ZNF624: variants seen among roughly 807,000 people sequenced by gnomAD.
ZNF624 encodes zinc finger protein 624.
ZNF624 carries 43 observed loss-of-function variants against 74.7 expected under a neutral mutation model. That is an observed-to-expected ratio of 0.58 (90% CI 0.45 to 0.74). The LOEUF is 0.74. Ranked by LOEUF, ZNF624 falls within the 30% of genes least tolerant of loss-of-function variation. The pLI is 0.00. For missense variants in ZNF624, 820 were observed against 1,030.0 expected (o/e 0.80, Z 2.79); for synonymous variants, 331 against 341.3 (o/e 0.97, Z 0.33).
chr17:16,636,463 G>A (rs1909332764), intron 3 of ZNF624, among the ~76,000 whole-genome samples: 1 of 152,116 alleles, frequency 6.6e-6, no homozygotes, highest in African/African-American at 2.4e-5. Flanking sequence ...ATAAAAGAAA[G>A]GCCTCAGTTA....
At chr17:16,628,089 A>T (rs1909114136) in intron 5 of ZNF624, among the ~76,000 whole-genome samples, 1 of 152,042 alleles carries the variant, frequency 6.6e-6, no homozygotes. Context: ...GCAAAACCCC[A>T]TCTCTACTAA....
At chr17:16,626,801 A>G (rs1255735047) in intron 5 of ZNF624, among the ~76,000 whole-genome samples, 4 of 152,162 alleles carry the variant, frequency 2.6e-5, no homozygotes, top group African/African-American at 9.7e-5. Flanking sequence ...TCACGCCTGT[A>G]ATCCTAGCAG....
intron 3 of ZNF624, among the ~76,000 whole-genome samples, chr17:16,641,856 C>T (rs1773021243): frequency 6.6e-6 from 1 of 152,124 alleles, no homozygotes; most frequent in South Asian, 2.1e-4. Flanking sequence ...TATCTGTATA[C>T]ACTATCAATA....
chr17:16,634,883 T>C (rs2142608725), intron 3 of ZNF624, 127 bp from the exon 4 acceptor site: 1 of 792,266 alleles, frequency 1.3e-6, no homozygotes, highest in East Asian at 2.6e-5. Flanking sequence ...GGTCAACCAG[T>C]TCATCCTTTA....
chr17:16,650,411 T>TATA (rs58272736), intron 1 of ZNF624, among the ~76,000 whole-genome samples: 9,873 of 148,046 alleles, frequency 0.067, 422 homozygotes, highest in Admixed American at 0.11. Context: ...AGGAAGCAGG[T>TATA]ATAATAATAA....
intron 2 of ZNF624, 105 bp from the exon 3 acceptor site, chr17:16,647,499 T>A (rs1909621537): frequency 1.2e-6 from 1 of 865,910 alleles, no homozygotes; most frequent in Non-Finnish European, 2.0e-6. Flanking sequence ...GTATACAGGA[T>A]GACCTCACCT....
At chr17:16,642,812 A>G (rs913240466) in intron 3 of ZNF624, among the ~76,000 whole-genome samples, 2 of 152,260 alleles carry the variant, frequency 1.3e-5, no homozygotes, top group African/African-American at 4.8e-5. Context: ...AACCCTTACA[A>G]GTCAAACATA....
chr17:16,619,480 C>T (rs1373607640), downstream of ZNF624, among the ~76,000 whole-genome samples: 1 of 152,064 alleles, frequency 6.6e-6, no homozygotes, highest in Non-Finnish European at 1.5e-5. Context: ...ATAAAGAATC[C>T]TACAAATGAG....
chr17:16,624,929 T>C lies in ZNF624; in HGVS notation c.377-420A>G, dbSNP rs186297702. ...GTGTGCACCTGTAGTCCCAGTTATT[T>C]GTGAGGCTGAGGTGGGAGGACTGCT... is the stretch of plus-strand genomic sequence containing the variant. On this transcript the variant is annotated intron_variant, in intron 5 of 5. Transcript: ENST00000311331. The C allele has an allele frequency of 8.9e-4, 146 of 164,460 alleles. 3 individuals are homozygous for C. Among genetic ancestry groups the C allele is most frequent in the Admixed American group, 8.7e-3 (136 of 15,564 alleles). The allele number at this position is 164,460 out of a possible 1,614,324, so 10.2% of individuals were successfully genotyped here. A position where few individuals can be genotyped will look rare whatever the true frequency, so the allele number is the denominator to read the frequency against.
chr17:16,617,418 G>A (rs1908812454), downstream of ZNF624: 2 of 1,612,956 alleles, frequency 1.2e-6, no homozygotes, highest in South Asian at 1.1e-5. Flanking sequence ...TGTCAGAGTA[G>A]GAGCGAAACT....
chr17:16,644,979 T>C (rs530945696), intron 3 of ZNF624, among the ~76,000 whole-genome samples: 1 of 152,352 alleles, frequency 6.6e-6, no homozygotes, highest in East Asian at 1.9e-4. Flanking sequence ...TTTCTGAATA[T>C]GTCATTTTAC....
downstream of ZNF624, among the ~76,000 whole-genome samples, chr17:16,618,707 C>T (rs1036171478): frequency 6.6e-6 from 1 of 152,160 alleles, no homozygotes; most frequent in Non-Finnish European, 1.5e-5. Flanking sequence ...GCCTGCTCAA[C>T]GTGAAGACGA....
At chr17:16,620,068 A>G (rs1908870626), downstream of ZNF624, among the ~76,000 whole-genome samples, 2 of 152,254 alleles carry the variant, frequency 1.3e-5, no homozygotes, top group Admixed American at 6.5e-5. Context: ...ATGATGGAAG[A>G]TAATTCACAT....
intron 3 of ZNF624, among the ~76,000 whole-genome samples, chr17:16,645,392 T>G (rs572887500): frequency 6.6e-6 from 1 of 152,272 alleles, no homozygotes; most frequent in African/African-American, 2.4e-5. Flanking sequence ...AGTTGTTTGT[T>G]GTTGGTAAAT....
chr17:16,649,764 G>A lies in ZNF624; in HGVS notation c.-2-18C>T, dbSNP rs779593796. 40 of 1,604,098 alleles carry A rather than the reference G, an allele frequency of 2.5e-5. No homozygotes were observed. In the South Asian group the frequency reaches 4.3e-4, roughly 17 times the overall value. On this transcript the variant is annotated intron_variant, in intron 1 of 5. Coordinates refer to ENST00000311331, the MANE Select transcript of ZNF624 (RefSeq NM_020787.4). ...AGACATACCTAAGGAAGAGAAATAA[G>A]CCATGGAAACCAATCCTGCCTGGGG... is the stretch of plus-strand genomic sequence containing the variant.
At chr17:16,618,681 G>A (rs572476108), downstream of ZNF624, among the ~76,000 whole-genome samples, 6 of 141,814 alleles carry the variant, frequency 4.2e-5, no homozygotes, top group South Asian at 2.2e-4. Flanking sequence ...CCAACCCCTC[G>A]TCGTCTTCCA....
rs1479627601 is a variant in ZNF624, at chr17:16,622,283, GT to G, written c.*4del. The G allele has an allele frequency of 2.6e-6, 4 of 1,535,342 alleles. No homozygotes were observed. The highest frequency in any genetic ancestry group is 1.7e-6 in the Non-Finnish European group (2 of 1,145,580). On this transcript the variant is annotated 3_prime_UTR_variant, in exon 6 of 6. Transcript: ENST00000311331. Reference sequence around the variant, plus strand: ...TTGACATCTAGGTGAATGACTTATTGTTCTTTATATTAACTGAGTTTCTCTT... The same window carrying G: ...TTGACATCTAGGTGAATGACTTATTGTCTTTATATTAACTGAGTTTCTCTT...
intron 5 of ZNF624, 94 bp from the exon 6 acceptor site, chr17:16,624,603 T>C: frequency 1.8e-6 from 2 of 1,113,800 alleles, no homozygotes; most frequent in Non-Finnish European, 2.5e-6. Flanking sequence ...ACATGGATAA[T>C]GAATATATGG....
At chr17:16,647,306 A>C (rs1236634119) in intron 3 of ZNF624, 23 bp downstream of exon 3, 1 of 1,590,944 alleles carries the variant, frequency 6.3e-7, no homozygotes, top group African/African-American at 1.3e-5. Context: ...TGTATTCATT[A>C]TATGTACAAC....
Sources: allele counts gnomAD v4.1 joint callset (sites outside exome capture counted in the v4.1 genomes callset), GRCh38; gene constraint gnomAD v4.1.1; transcripts MANE v1.5; gene names NCBI Gene and HGNC (gene_info 2026-07-23, HGNC 2026-07-21).